The following VAV3 variants were observed in gnomAD, a reference collection of about 807,000 sequenced individuals.
VAV3 encodes the protein guanine nucleotide exchange factor VAV3.
A neutral mutation model predicts 131.2 loss-of-function variants in VAV3; 94 were observed. The observed-to-expected ratio is 0.72, with a 90% CI of 0.61 to 0.85. VAV3 has a LOEUF of 0.85. Among genes scored for constraint, VAV3 ranks in the 40% least tolerant of loss-of-function variants. The probability of loss-of-function intolerance (pLI) is 0.00; values close to 1 mark genes in which losing one functional copy is unlikely to be tolerated. For synonymous variants in VAV3, 349 were observed against 342.0 expected, an observed-to-expected ratio of 1.02 and a Z score of -0.22; for missense variants, 939 against 1,002.7, an observed-to-expected ratio of 0.94 and a Z score of 0.86.
intron 19 of VAV3, chr1:107,672,384 C>T (rs932637569): frequency 1.3e-5 from 2 of 150,750 alleles, no homozygotes; most frequent in African/African-American, 2.4e-5. Flanking sequence ...AAATCTATTC[C>T]TTAAATAAAA....
At chr1:107,786,215 T>G (rs1442568058) in intron 2 of VAV3, among the ~76,000 whole-genome samples, 1 of 152,256 alleles carries the variant, frequency 6.6e-6, no homozygotes, top group Non-Finnish European at 1.5e-5. Context: ...ATCCAAATTA[T>G]AGTTTGTGCT....
intron 25 of VAV3, among the ~76,000 whole-genome samples, chr1:107,582,911 C>T (rs1023867945): frequency 5.9e-5 from 9 of 151,990 alleles, no homozygotes; most frequent in Non-Finnish European, 1.2e-4. Flanking sequence ...GATTTATAGT[C>T]CTTTGGGTAT....
chr1:107,679,611 C>T (rs1279992291), intron 19 of VAV3, among the ~76,000 whole-genome samples: 2 of 152,098 alleles, frequency 1.3e-5, no homozygotes, highest in Non-Finnish European at 1.5e-5. Context: ...TACAGATTTG[C>T]CACATGCAAA....
At chr1:107,648,232 C>T (rs1438023663) in intron 19 of VAV3, among the ~76,000 whole-genome samples, 3 of 151,972 alleles carry the variant, frequency 2.0e-5, no homozygotes, top group African/African-American at 7.2e-5. Context: ...AAGGATGAGG[C>T]AGAGATGCCT....
intron 2 of VAV3, among the ~76,000 whole-genome samples, chr1:107,842,257 T>C (rs578245703): frequency 6.6e-6 from 1 of 152,336 alleles, no homozygotes; most frequent in Admixed American, 6.5e-5. Flanking sequence ...GTCCACTACC[T>C]TGGACATAGC....
intron 2 of VAV3, among the ~76,000 whole-genome samples, chr1:107,870,632 T>C (rs1270114470): frequency 2.0e-5 from 3 of 152,138 alleles, no homozygotes; most frequent in African/African-American, 7.2e-5. Context: ...AAGAAGCTCT[T>C]TAGTTTAATT....
intron 19 of VAV3, among the ~76,000 whole-genome samples, chr1:107,665,221 C>T (rs1043231040): frequency 6.6e-6 from 1 of 152,032 alleles, no homozygotes; most frequent in South Asian, 2.1e-4. Context: ...TTACTAAATA[C>T]CAGTGGTGTA....
At chr1:107,867,378 G>A (rs1260052573) in intron 2 of VAV3, among the ~76,000 whole-genome samples, 1 of 152,148 alleles carries the variant, frequency 6.6e-6, no homozygotes, top group East Asian at 1.9e-4. Flanking sequence ...TCTATAAGAG[G>A]AGGTAGGAAT....
intron 12 of VAV3, among the ~76,000 whole-genome samples, chr1:107,753,549 T>TATATGGATATATATATACACAC (rs771773884): frequency 1.2e-5 from 1 of 82,052 alleles, no homozygotes; most frequent in African/African-American, 4.6e-5. Flanking sequence ...TATATATATA[T>TATATGGATATATATATACACAC]ACACACACAC....
rs1024683884 is a variant in VAV3, at chr1:107,669,215, T to C, written c.1777+14273A>G. 2.6e-5 allele frequency: 30 copies of C among 1,168,744 alleles called. No individual in the cohort carries two copies. In the African/African-American group the frequency reaches 4.6e-4, roughly 18 times the overall value. The allele number at this position is 1,168,744 out of a possible 1,614,324, so 72.4% of individuals were successfully genotyped here. ...CTCAAAGTCTTCTTTCCAAAGTACT[T>C]TGAATTAAAACATGAAGTAATCCTT... On this transcript the variant is annotated intron_variant, in intron 19 of 26. Coordinates refer to ENST00000370056, the MANE Select transcript of VAV3 (RefSeq NM_006113.5).
intron 25 of VAV3, among the ~76,000 whole-genome samples, chr1:107,582,519 G>C (rs990947103): frequency 2.7e-5 from 4 of 150,830 alleles, no homozygotes; most frequent in Non-Finnish European, 5.9e-5. Flanking sequence ...CCACTAACTC[G>C]TCATCTAGCA....
At chr1:107,796,914 T>C (rs1027310084) in intron 2 of VAV3, among the ~76,000 whole-genome samples, 1 of 150,804 alleles carries the variant, frequency 6.6e-6, no homozygotes, top group Admixed American at 6.6e-5. Flanking sequence ...TACTTTCTCC[T>C]CAAAATATTA....
chr1:107,644,190 G>A (rs1479509742), intron 19 of VAV3, among the ~76,000 whole-genome samples: 1 of 152,108 alleles, frequency 6.6e-6, no homozygotes, highest in Admixed American at 6.6e-5. Flanking sequence ...CTTTAGTATA[G>A]AGAGTTTATT....
chr1:107,754,801 C>G (rs1570901800), intron 12 of VAV3, among the ~76,000 whole-genome samples: 1 of 152,136 alleles, frequency 6.6e-6, no homozygotes, highest in South Asian at 2.1e-4. Flanking sequence ...CCTGCTACGG[C>G]TTCTGCCTGG....
chr1:107,933,543 T>C (rs1400748929), intron 1 of VAV3, among the ~76,000 whole-genome samples: 4 of 152,108 alleles, frequency 2.6e-5, no homozygotes, highest in Admixed American at 1.3e-4. Context: ...TTAATTGACA[T>C]ATGAAAATTG....
chr1:107,590,718 C>G (rs1206282895), intron 25 of VAV3, among the ~76,000 whole-genome samples: 1 of 152,060 alleles, frequency 6.6e-6, no homozygotes, highest in Non-Finnish European at 1.5e-5. Flanking sequence ...ACTTATGTAC[C>G]ATACTTGTAC....
chr1:107,665,524 T>C (rs1284107849), intron 19 of VAV3, among the ~76,000 whole-genome samples: 2 of 152,170 alleles, frequency 1.3e-5, no homozygotes, highest in Non-Finnish European at 2.9e-5. Context: ...CTAGGAAATG[T>C]AAAGATAAAG....
At chr1:107,611,487 C>T (rs1316291152) in intron 21 of VAV3, among the ~76,000 whole-genome samples, 3 of 151,794 alleles carry the variant, frequency 2.0e-5, no homozygotes, top group Non-Finnish European at 4.4e-5. Context: ...ACAAGATATA[C>T]ATGGCTTCTG....
chr1:107,712,871 A>G (rs1314055650), intron 15 of VAV3, among the ~76,000 whole-genome samples: 1 of 152,226 alleles, frequency 6.6e-6, no homozygotes, highest in Non-Finnish European at 1.5e-5. Context: ...GAAAACTTGA[A>G]ACGTAAATTA....
Sources: allele counts gnomAD v4.1 joint callset (sites outside exome capture counted in the v4.1 genomes callset), GRCh38; gene constraint gnomAD v4.1.1; transcripts MANE v1.5; gene names NCBI Gene and HGNC (gene_info 2026-07-23, HGNC 2026-07-21).